Variants in TLE1 observed in about 807,000 individuals in gnomAD.
TLE1 encodes TLE family member 1, transcriptional corepressor, also known as transducin-like enhancer protein 1.
TLE1 carries 21 observed loss-of-function variants against 89.8 expected under a neutral mutation model. The ratio of observed to expected loss-of-function variants is 0.23; its 90% CI spans 0.17 to 0.34. TLE1 has a LOEUF of 0.34. TLE1 is among the 10% of genes least tolerant of loss of function. The pLI is 1.00. For synonymous variants in TLE1, 447 were observed against 407.6 expected, an observed-to-expected ratio of 1.10 and a Z score of -1.16; for missense variants, 795 against 1,031.2, an observed-to-expected ratio of 0.77 and a Z score of 3.14.
At chr9:81,621,675 A>T (rs1233341936) in intron 8 of TLE1, among the ~76,000 whole-genome samples, 3 of 152,206 alleles carry the variant, frequency 2.0e-5, no homozygotes, top group African/African-American at 4.8e-5. Flanking sequence ...GTATCTTTTT[A>T]AAAGCCCTGA....
intron 6 of TLE1, among the ~76,000 whole-genome samples, chr9:81,647,826 A>T (rs1400701438): frequency 2.6e-5 from 4 of 152,206 alleles, no homozygotes; most frequent in Admixed American, 6.5e-5. Context: ...AAGGCAACAC[A>T]ATGTAAATAT....
At chr9:81,612,379 A>G in intron 12 of TLE1, 1 of 992,754 alleles carries the variant, frequency 1.0e-6, no homozygotes, top group Non-Finnish European at 1.2e-6. Flanking sequence ...ACCAATTCCA[A>G]ATGAAAATCC....
chr9:81,663,947 C>A (rs1473216851), intron 4 of TLE1, among the ~76,000 whole-genome samples: 2 of 151,986 alleles, frequency 1.3e-5, no homozygotes, highest in Non-Finnish European at 2.9e-5. Flanking sequence ...TATAAGGGAC[C>A]TCAATTATAA....
chr9:81,604,394 T>A (rs1415666394), intron 14 of TLE1, among the ~76,000 whole-genome samples: 1 of 152,202 alleles, frequency 6.6e-6, no homozygotes, highest in African/African-American at 2.4e-5. Flanking sequence ...AGACAAATTC[T>A]AGCCAGAAGA....
At chr9:81,665,243 AC>A (rs1831317100) in intron 4 of TLE1, among the ~76,000 whole-genome samples, 1 of 152,082 alleles carries the variant, frequency 6.6e-6, no homozygotes, top group Non-Finnish European at 1.5e-5. Context: ...AAGTTATTCC[AC>A]CCATGGCAAT....
At position 81,681,751 on chromosome 9, in the gene TLE1, C is replaced by CCATG. The variant is rs377654687; in HGVS notation, c.234+3921_234+3924dup. ...AGTACTGCTCAGTAGTTTTATCTAC[C>CCATG]CATGGCCTGTGACCCTCCTCTCCCC... is the stretch of plus-strand genomic sequence containing the variant. On this transcript the variant is annotated intron_variant, in intron 4 of 19. Coordinates refer to ENST00000376499, the MANE Select transcript of TLE1 (RefSeq NM_005077.5). Among the ~76,000 whole-genome samples, 635 of 152,194 alleles carry CCATG rather than the reference C, an allele frequency of 4.2e-3. 6 individuals are homozygous for CCATG. The highest frequency in any genetic ancestry group is 0.014 in the African/African-American group (599 of 41,528).
intron 4 of TLE1, among the ~76,000 whole-genome samples, chr9:81,671,911 T>G (rs1371318966): frequency 2.0e-5 from 3 of 152,180 alleles, no homozygotes; most frequent in Non-Finnish European, 4.4e-5. Context: ...TCAGTAGCTG[T>G]GCAGAGACAT....
At chr9:81,589,562 CAGA>C (rs1373366359) in intron 16 of TLE1, among the ~76,000 whole-genome samples, 1 of 152,140 alleles carries the variant, frequency 6.6e-6, no homozygotes, top group African/African-American at 2.4e-5. Context: ...CAGACGAGAG[CAGA>C]ATGCCTGGGC....
intron 11 of TLE1, among the ~76,000 whole-genome samples, chr9:81,614,951 T>G (rs991397238): frequency 6.6e-6 from 1 of 151,462 alleles, no homozygotes; most frequent in African/African-American, 2.4e-5. Context: ...TCCCAGCACT[T>G]TGGGAGGCCA....
chr9:81,639,094 C>T (rs1827767024), intron 6 of TLE1, among the ~76,000 whole-genome samples: 1 of 151,448 alleles, frequency 6.6e-6, no homozygotes, highest in Admixed American at 6.6e-5. Flanking sequence ...CTACACTTGG[C>T]TAATTTTTTT....
At chr9:81,590,127 C>T (rs1829266528) in intron 16 of TLE1, among the ~76,000 whole-genome samples, 1 of 152,182 alleles carries the variant, frequency 6.6e-6, no homozygotes, top group African/African-American at 2.4e-5. Flanking sequence ...ATGTTTCATT[C>T]ATGCTTACTT....
intron 14 of TLE1, among the ~76,000 whole-genome samples, chr9:81,607,159 G>C (rs1831803029): frequency 6.6e-6 from 1 of 151,968 alleles, no homozygotes; most frequent in African/African-American, 2.4e-5. Context: ...GATGAGAAAA[G>C]TACCCCGACA....
At chr9:81,620,381 T>A in intron 9 of TLE1, 60 bp downstream of exon 9, 1 of 1,258,998 alleles carries the variant, frequency 7.9e-7, no homozygotes, top group South Asian at 1.3e-5. Context: ...TAGAATATAC[T>A]TGGATACTCA....
intron 4 of TLE1, among the ~76,000 whole-genome samples, chr9:81,657,189 C>T (rs749082394): frequency 2.0e-5 from 3 of 152,160 alleles, no homozygotes; most frequent in Non-Finnish European, 4.4e-5. Flanking sequence ...TTTGGTGGTG[C>T]TTCCTTGAAT....
At chr9:81,606,344 C>T (rs1022620144) in intron 14 of TLE1, among the ~76,000 whole-genome samples, 1 of 152,168 alleles carries the variant, frequency 6.6e-6, no homozygotes, top group Non-Finnish European at 1.5e-5. Context: ...TAGCACTATT[C>T]AAAACAGCAA....
chr9:81,679,411 A>C (rs796820437), intron 4 of TLE1, among the ~76,000 whole-genome samples: 1 of 152,196 alleles, frequency 6.6e-6, no homozygotes, highest in Non-Finnish European at 1.5e-5. Context: ...ACTTTTGTTA[A>C]ATCAGGTGAA....
At chr9:81,682,029 T>C (rs10867794) in intron 4 of TLE1, among the ~76,000 whole-genome samples, 28,646 of 151,662 alleles carry the variant, frequency 0.19, 2,749 homozygotes, top group African/African-American at 0.21. Context: ...GTGGATCACT[T>C]GAGGTCAGGA....
intron 12 of TLE1, 151 bp from the exon 13 acceptor site, chr9:81,612,110 T>C: frequency 1.5e-6 from 1 of 666,018 alleles, no homozygotes; most frequent in East Asian, 3.4e-5. Context: ...CTCCAATTTA[T>C]ACACTGGATC....
chr9:81,688,831 C>T lies in TLE1; in HGVS notation c.-591G>A, dbSNP rs978252748. 6.6e-6 allele frequency: 1 copy of T among 152,328 alleles called. No homozygotes were observed. The highest frequency in any genetic ancestry group is 6.5e-5 in the Admixed American group (1 of 15,286). 9.4% of individuals were successfully genotyped at this position (152,328 alleles called of 1,614,324 possible). A position where few individuals can be genotyped will look rare whatever the true frequency, so the allele number is the denominator to read the frequency against. ...CCTTCGGCCGGGTGCTCGCAGGCTC[C>T]CGGGACGCAAAGGGGAGCGAGGTTG... On this transcript the variant is annotated 5_prime_UTR_variant, in exon 1 of 20. Coordinates refer to ENST00000376499, the MANE Select transcript of TLE1 (RefSeq NM_005077.5).
Sources: gnomAD v4.1 joint callset for allele counts (sites outside exome capture counted in the v4.1 genomes callset) on GRCh38, gnomAD v4.1.1 for gene constraint, MANE v1.5 for transcripts, NCBI Gene and HGNC (gene_info 2026-07-23, HGNC 2026-07-21) for gene names.